RPIA: variants seen among roughly 807,000 people sequenced by gnomAD.
RPIA encodes ribose-5-phosphate isomerase.
A neutral mutation model predicts 37.8 loss-of-function variants in RPIA; 29 were observed. The observed-to-expected ratio is 0.77, with a 90% CI of 0.57 to 1.05. RPIA has a LOEUF of 1.05. Among genes scored for constraint, RPIA ranks in the 50% least tolerant of loss-of-function variants. The pLI is 0.00. For synonymous variants in RPIA, 167 were observed against 157.0 expected, an observed-to-expected ratio of 1.06 and a Z score of -0.48; for missense variants, 385 against 413.6, an observed-to-expected ratio of 0.93 and a Z score of 0.60.
At chr2:88,722,486 A>G (rs751551559) in intron 3 of RPIA, among the ~76,000 whole-genome samples, 3 of 152,244 alleles carry the variant, frequency 2.0e-5, no homozygotes, top group Non-Finnish European at 4.4e-5. Flanking sequence ...GAAACTTTCC[A>G]TTGCAAAATT....
intron 3 of RPIA, among the ~76,000 whole-genome samples, chr2:88,708,181 T>C (rs932935795): frequency 2.6e-5 from 4 of 152,208 alleles, no homozygotes; most frequent in Non-Finnish European, 4.4e-5. Context: ...TTGGGCAATG[T>C]TGTCTATCAG....
intron 3 of RPIA, among the ~76,000 whole-genome samples, chr2:88,723,654 C>A (rs374239053): frequency 9.2e-5 from 14 of 152,126 alleles, no homozygotes; most frequent in African/African-American, 3.4e-4. Flanking sequence ...CTCAGAATCC[C>A]TCTGTGGTTA....
chr2:88,726,946 T>TGAAA (rs1484908579), intron 3 of RPIA, among the ~76,000 whole-genome samples: 1 of 152,118 alleles, frequency 6.6e-6, no homozygotes, highest in African/African-American at 2.4e-5. Context: ...ACCATGTTGG[T>TGAAA]CAGACTGGTC....
chr2:88,737,387 T>TAA (rs1022683834), intron 7 of RPIA, among the ~76,000 whole-genome samples: 10 of 151,744 alleles, frequency 6.6e-5, no homozygotes, highest in African/African-American at 2.2e-4. Context: ...CTGTGACTTT[T>TAA]AAAAAAAAAC....
intron 8 of RPIA, among the ~76,000 whole-genome samples, chr2:88,745,557 A>G (rs957333196): frequency 1.3e-5 from 2 of 152,104 alleles, no homozygotes; most frequent in African/African-American, 2.4e-5. Context: ...GCTGGATACA[A>G]AATTCTTGGC....
At chr2:88,697,633 G>C (rs1209661027) in intron 1 of RPIA, among the ~76,000 whole-genome samples, 4 of 152,170 alleles carry the variant, frequency 2.6e-5, no homozygotes, top group African/African-American at 9.7e-5. Flanking sequence ...CTGCTTGTAG[G>C]TAGGCTCCGT....
intron 8 of RPIA, among the ~76,000 whole-genome samples, chr2:88,747,105 T>C (rs1179544129): frequency 6.6e-6 from 1 of 152,148 alleles, no homozygotes; most frequent in Non-Finnish European, 1.5e-5. Context: ...AGTCAGACTT[T>C]CCTTGGGCAG....
At chr2:88,743,668 C>T (rs1483156765) in intron 8 of RPIA, among the ~76,000 whole-genome samples, 2 of 151,958 alleles carry the variant, frequency 1.3e-5, no homozygotes, top group African/African-American at 4.8e-5. Flanking sequence ...TGGTTCTGGA[C>T]TTTTTTTGTT....
intron 3 of RPIA, among the ~76,000 whole-genome samples, chr2:88,713,118 ATATT>A (rs1672980294): frequency 2.2e-5 from 1 of 45,322 alleles, no homozygotes; most frequent in Admixed American, 3.0e-4. Context: ...ATATATATAT[ATATT>A]TTTTTTTTTT....
intron 3 of RPIA, among the ~76,000 whole-genome samples, chr2:88,709,883 T>C (rs987104469): frequency 5.3e-5 from 8 of 151,462 alleles, no homozygotes; most frequent in African/African-American, 1.9e-4. Flanking sequence ...ATAGCCCCCC[T>C]TTTTTTTCTG....
At chr2:88,739,193 A>AAG in intron 8 of RPIA, among the ~76,000 whole-genome samples, 1 of 152,318 alleles carries the variant, frequency 6.6e-6, no homozygotes, top group South Asian at 2.1e-4. Context: ...ATATTGCGAG[A>AAG]CTAAGAGGCT....
chr2:88,699,804 C>T (rs1380934772), intron 2 of RPIA, among the ~76,000 whole-genome samples: 2 of 152,204 alleles, frequency 1.3e-5, no homozygotes, highest in Non-Finnish European at 2.9e-5. Context: ...CAGTACTTAC[C>T]TCTCCAGGCT....
chr2:88,748,265 A>G (rs1673461944), intron 8 of RPIA, among the ~76,000 whole-genome samples: 1 of 152,120 alleles, frequency 6.6e-6, no homozygotes, highest in Non-Finnish European at 1.5e-5. Context: ...GGAGATTATT[A>G]CACATTGGCT....
intron 3 of RPIA, among the ~76,000 whole-genome samples, chr2:88,704,406 C>T (rs1672874033): frequency 6.6e-6 from 1 of 152,198 alleles, no homozygotes; most frequent in Admixed American, 6.5e-5. Flanking sequence ...TCCCATCTTA[C>T]ATGGATGGCA....
intron 1 of RPIA, among the ~76,000 whole-genome samples, chr2:88,692,300 G>T (rs891137396): frequency 6.6e-6 from 1 of 152,216 alleles, no homozygotes; most frequent in Admixed American, 6.5e-5. Context: ...CACTTGCCTT[G>T]TGGCCTCCTT....
rs892159755 is a variant in RPIA at position 88,750,212 on chromosome 2, A to C, written c.*134A>C. The stretch of plus-strand genomic sequence containing the variant: ...GGTGGGGGGTGGGGGGAAGAGTGGG[A>C]GGGGGAGTTAAATCCAGTCTTATGA... On this transcript the variant is annotated 3_prime_UTR_variant, in exon 9 of 9. Coordinates refer to ENST00000283646, the MANE Select transcript of RPIA (RefSeq NM_144563.3). 3 of 632,508 alleles carry C rather than the reference A, an allele frequency of 4.7e-6. No individual in the cohort carries two copies. Among genetic ancestry groups the C allele is most frequent in the Non-Finnish European group, 8.9e-6 (3 of 337,238 alleles). 39.2% of individuals were successfully genotyped at this position (632,508 alleles called of 1,614,324 possible). A position where few individuals can be genotyped will look rare whatever the true frequency, so the allele number is the denominator to read the frequency against.
At chr2:88,698,872 C>T (rs963376225) in intron 2 of RPIA, among the ~76,000 whole-genome samples, 3 of 152,216 alleles carry the variant, frequency 2.0e-5, no homozygotes, top group African/African-American at 7.2e-5. Context: ...TGCGTGAGCT[C>T]AGACTTCCTC....
intron 2 of RPIA, 119 bp from the exon 3 acceptor site, chr2:88,699,890 A>C: frequency 9.8e-7 from 1 of 1,021,376 alleles, no homozygotes; most frequent in Non-Finnish European, 1.5e-6. Flanking sequence ...ACAGGATGAA[A>C]GGCAGCTGTC....
intron 2 of RPIA, among the ~76,000 whole-genome samples, chr2:88,699,100 G>C (rs953494956): frequency 6.6e-6 from 1 of 152,248 alleles, no homozygotes; most frequent in African/African-American, 2.4e-5. Flanking sequence ...CCAGAGGAGA[G>C]GCCTGCCTGA....
Sources: gnomAD v4.1 joint callset for allele counts (sites outside exome capture counted in the v4.1 genomes callset) on GRCh38, gnomAD v4.1.1 for gene constraint, MANE v1.5 for transcripts, NCBI Gene and HGNC (gene_info 2026-07-23, HGNC 2026-07-21) for gene names.